Variants in LARP7 observed in about 807,000 individuals in gnomAD.
LARP7 encodes the protein la-related protein 7.
In LARP7, 52 loss-of-function variants were observed where a neutral mutation model predicts 69.3. That is an observed-to-expected ratio of 0.75 (90% CI 0.60 to 0.95). The LOEUF is 0.95. Among genes scored for constraint, LARP7 ranks in the 40% least tolerant of loss-of-function variants. The pLI is 0.00. For synonymous variants in LARP7, 254 were observed against 215.9 expected, an observed-to-expected ratio of 1.18 and a Z score of -1.55; for missense variants, 733 against 673.0, an observed-to-expected ratio of 1.09 and a Z score of -0.99.
In LARP7 at chr4:112,646,839, G is replaced by C; in HGVS notation, c.436G>C (p.Gly146Arg). ...VNHSWIERVF[G>R]KCGNVVYISI... ...TCACAGCTGGATTGAAAGAGTATTTGGGAAATGTGGCAATGTTGTTTATAT... is the reference window on the plus strand; with the variant it reads ...TCACAGCTGGATTGAAAGAGTATTTCGGAAATGTGGCAATGTTGTTTATAT... The change falls in exon 5 of 13, where the codon GGG (glycine) becomes CGG (arginine). Residue 146 changes from glycine (G) to arginine (R), a missense_variant. Gly to Arg is a moderately radical substitution (Grantham distance 125). Coordinates refer to ENST00000344442, the MANE Select transcript of LARP7 (RefSeq NM_016648.4). 6.2e-7 allele frequency: 1 copy of C among 1,606,026 alleles called. No individual in the cohort carries two copies. The highest frequency in any genetic ancestry group is 1.1e-5 in the South Asian group (1 of 88,914).
intron 2 of LARP7, chr4:112,645,638 G>A: frequency 2.4e-6 from 1 of 420,984 alleles, no homozygotes. Context: ...TCCTCCATCA[G>A]CCTCCCCAGT....
In LARP7 at chr4:112,650,482, G is replaced by A. The variant is rs771029477; in HGVS notation, c.1316G>A (p.Arg439His). ...TCAGCAGCCAACAGGGAAGAGTGTC[G>A]CACCCAGGAGAAAGTTAATGCAACA... ...NEKTANREEC[R>H]TQEKVNATGP... Residue 439 changes from arginine to histidine, a missense_variant, in exon 10 of 13, where the codon CGC becomes CAC. By Grantham distance (29) the Arg-to-His change is conservative. Coordinates refer to ENST00000344442, the MANE Select transcript of LARP7 (RefSeq NM_016648.4). 15 of 1,613,494 alleles carry A rather than the reference G, an allele frequency of 9.3e-6. No homozygotes were observed. The highest frequency in any genetic ancestry group is 6.6e-5 in the South Asian group (6 of 91,062).
chr4:112,647,013 T>G, intron 5 of LARP7, 21 bp from the exon 6 acceptor site: 1 of 1,583,960 alleles, frequency 6.3e-7, no homozygotes, highest in Non-Finnish European at 8.5e-7. Flanking sequence ...ATTAAAATAG[T>G]AACTTTTGCA....
intron 2 of LARP7, chr4:112,645,598 A>T (rs1445018063): frequency 3.3e-6 from 1 of 300,612 alleles, no homozygotes. Context: ...TTCTGCCCCC[A>T]CCTCCACCCC....
intron 1 of LARP7, among the ~76,000 whole-genome samples, chr4:112,639,133 AC>A: frequency 6.6e-6 from 1 of 152,284 alleles, no homozygotes; most frequent in Non-Finnish European, 1.5e-5. Flanking sequence ...GTGAGGATTT[AC>A]AAAAGTGTAT....
intron 12 of LARP7, among the ~76,000 whole-genome samples, chr4:112,655,749 C>A (rs1442166216): frequency 6.6e-6 from 1 of 152,128 alleles, no homozygotes; most frequent in African/African-American, 2.4e-5. Flanking sequence ...TGCAGGAGAG[C>A]ATTGTAACAG....
chr4:112,647,247 A>C lies in LARP7; in HGVS notation c.695A>C (p.Asp232Ala). ...AAGAAAGGCCGAATGAAAAAGGAAG[A>C]CAATATCCAAGCCAAAGAAGAAAAC... is the stretch of plus-strand genomic sequence containing the variant. Reference protein sequence around the residue: ...KKKKGRMKKEDNIQAKEENMD... With the variant: ...KKKKGRMKKEANIQAKEENMD... The change falls in exon 7 of 13, where the codon GAC becomes GCC. Residue 232 changes from aspartate (D) to alanine (A), a missense_variant. By Grantham distance (126) the Asp-to-Ala change is moderately radical (BLOSUM62 -2). Transcript: ENST00000344442. The C allele has an allele frequency of 6.2e-7, 1 of 1,606,854 alleles. No individual in the cohort carries two copies. Among genetic ancestry groups the C allele is most frequent in the Non-Finnish European group, 8.5e-7 (1 of 1,178,240 alleles).
At chr4:112,647,914 C>T (rs2048403708) in intron 8 of LARP7, 80 bp downstream of exon 8, 1 of 1,048,312 alleles carries the variant, frequency 9.5e-7, no homozygotes, top group Non-Finnish European at 1.5e-6. Context: ...TTATATTCAA[C>T]AGAGTTGCAT....
intron 10 of LARP7, among the ~76,000 whole-genome samples, chr4:112,651,676 T>C (rs1430754665): frequency 1.3e-5 from 2 of 152,194 alleles, no homozygotes; most frequent in African/African-American, 4.8e-5. Flanking sequence ...TACATTTTGC[T>C]GAAACAAAAA....
intron 8 of LARP7, chr4:112,648,408 G>GT (rs899134458): frequency 1.9e-6 from 1 of 534,394 alleles, no homozygotes; most frequent in African/African-American, 1.9e-5. Context: ...CACACAGCAG[G>GT]TACCCCCATG....
chr4:112,645,516 A>C (rs1177587522), intron 2 of LARP7: 2 of 455,838 alleles, frequency 4.4e-6, no homozygotes, highest in African/African-American at 4.0e-5. Flanking sequence ...TTTTTGTTTC[A>C]TTTTTTTGAG....
intron 1 of LARP7, among the ~76,000 whole-genome samples, chr4:112,638,570 TCTC>T (rs2047811113): frequency 6.6e-6 from 1 of 152,198 alleles, no homozygotes. Flanking sequence ...CTTTTTAAAT[TCTC>T]CTTTGAACTG....
intron 12 of LARP7, among the ~76,000 whole-genome samples, chr4:112,656,537 T>G (rs1340735401): frequency 2.0e-5 from 3 of 152,244 alleles, no homozygotes; most frequent in Admixed American, 2.0e-4. Context: ...CTTTGTAGTA[T>G]GCCCTATGAT....
chr4:112,648,684 TCTC>T (rs1487495288), intron 8 of LARP7: 6 of 373,266 alleles, frequency 1.6e-5, no homozygotes, highest in Non-Finnish European at 2.8e-5. Flanking sequence ...AGATTCGTGT[TCTC>T]CTCCAGAAGG....
At chr4:112,639,470 T>TCCG (rs1225370799) in intron 1 of LARP7, among the ~76,000 whole-genome samples, 2 of 152,138 alleles carry the variant, frequency 1.3e-5, no homozygotes, top group African/African-American at 4.8e-5. Flanking sequence ...GACCTCGTGA[T>TCCG]CCGCCCGCCT....
rs746456423 is a variant in LARP7 at position 112,646,390 on chromosome 4, A to T, written c.242A>T (p.Lys81Ile). The T allele has an allele frequency of 6.2e-7, 1 of 1,602,152 alleles. No homozygotes were observed. Reference sequence around the variant, plus strand: ...CTACTTGTGTCTTTTAACAAAATGAAAAAATTGACTACTGATGGGAAGTTA... The same window carrying T: ...CTACTTGTGTCTTTTAACAAAATGATAAAATTGACTACTGATGGGAAGTTA... ...ISLLVSFNKM[K>I]KLTTDGKLIA... Residue 81 changes from lysine to isoleucine, a missense_variant, in exon 3 of 13, where the codon AAA becomes ATA. Transcript: ENST00000344442.
At position 112,646,467 on chromosome 4, in the gene LARP7, AACT is replaced by A. The variant is rs1477011604; in HGVS notation, c.303+20_303+22del. 16 of 1,453,016 alleles carry A rather than the reference AACT, an allele frequency of 1.1e-5. No individual in the cohort carries two copies. Among genetic ancestry groups the A allele is most frequent in the East Asian group, 4.6e-5 (2 of 43,520 alleles). The allele number at this position is 1,453,016 out of a possible 1,614,324, so 90.0% of individuals were successfully genotyped here. A position where few individuals can be genotyped will look rare whatever the true frequency, so the allele number is the denominator to read the frequency against. ...TGTTGTAGAGGTAAGAATCAAGAAT[AACT>A]ACTGTTTATATTTATAGTTTATAAT... On this transcript the variant is annotated intron_variant, in intron 3 of 12. Coordinates refer to ENST00000344442, the MANE Select transcript of LARP7 (RefSeq NM_016648.4).
chr4:112,657,202 T>G (rs202104415), intron 12 of LARP7, 45 bp from the exon 13 acceptor site: 8 of 809,884 alleles, frequency 9.9e-6, no homozygotes, highest in African/African-American at 3.5e-5. Flanking sequence ...GTGTGTGTGT[T>G]TTGAGTATCC....
chr4:112,640,926 G>A (rs1039904422), intron 1 of LARP7, among the ~76,000 whole-genome samples: 8 of 152,142 alleles, frequency 5.3e-5, no homozygotes, highest in Admixed American at 3.9e-4. Context: ...GAGCAACAAG[G>A]GCAAAGGCCC....
Sources: allele counts gnomAD v4.1 joint callset (sites outside exome capture counted in the v4.1 genomes callset), GRCh38; gene constraint gnomAD v4.1.1; transcripts MANE v1.5; gene names NCBI Gene and HGNC (gene_info 2026-07-23, HGNC 2026-07-21).